The following CWF19L2 variants were observed in gnomAD, a reference collection of about 807,000 sequenced individuals.
CWF19L2 encodes the protein CWF19-like protein 2.
Under a neutral mutation model 111.7 loss-of-function variants are expected in CWF19L2, and 98 were observed. That is an observed-to-expected ratio of 0.88 (90% confidence interval 0.75 to 1.04). The LOEUF (loss-of-function observed/expected upper bound fraction) is 1.04, where lower values mean the gene tolerates loss of function less well. CWF19L2 is among the 50% of genes least tolerant of loss of function. The pLI is 0.00. For missense variants in CWF19L2, 1,101 were observed against 1,051.4 expected (o/e 1.05, Z -0.65); for synonymous variants, 351 against 342.9 (o/e 1.02, Z -0.26).
At chr11:107,410,394 T>C (rs919741058) in intron 10 of CWF19L2, among the ~76,000 whole-genome samples, 3 of 152,180 alleles carry the variant, frequency 2.0e-5, no homozygotes. Flanking sequence ...GTTTTATACA[T>C]ATATATACTT....
chr11:107,386,977 C>T, intron 12 of CWF19L2, among the ~76,000 whole-genome samples: 1 of 151,874 alleles, frequency 6.6e-6, no homozygotes. Flanking sequence ...TCGCTTGAAC[C>T]CAGAAGGCGG....
At chr11:107,337,663 C>A (rs1294692068) in intron 14 of CWF19L2, among the ~76,000 whole-genome samples, 2 of 152,018 alleles carry the variant, frequency 1.3e-5, no homozygotes, top group South Asian at 2.1e-4. Flanking sequence ...GCCTGTAATC[C>A]CAGCACTTTG....
At chr11:107,343,810 G>T (rs1282259942) in intron 14 of CWF19L2, among the ~76,000 whole-genome samples, 1 of 152,044 alleles carries the variant, frequency 6.6e-6, no homozygotes, top group African/African-American at 2.4e-5. Context: ...GTCTACTGGG[G>T]CCATTTTACC....
At chr11:107,420,736 C>A (rs1861292059) in intron 8 of CWF19L2, among the ~76,000 whole-genome samples, 1 of 151,890 alleles carries the variant, frequency 6.6e-6, no homozygotes, top group Non-Finnish European at 1.5e-5. Flanking sequence ...ACAACAACAA[C>A]CAATAACAAA....
chr11:107,396,802 G>A (rs1160506045), intron 10 of CWF19L2, among the ~76,000 whole-genome samples: 1 of 152,164 alleles, frequency 6.6e-6, no homozygotes, highest in African/African-American at 2.4e-5. Context: ...GAAGGAAGCA[G>A]ACTGCTACTC....
intron 12 of CWF19L2, among the ~76,000 whole-genome samples, chr11:107,362,823 G>A (rs2134560650): frequency 6.6e-6 from 1 of 152,122 alleles, no homozygotes; most frequent in East Asian, 1.9e-4. Flanking sequence ...GCTGGATGGA[G>A]AATGACTTTG....
intron 9 of CWF19L2, 83 bp downstream of exon 9, chr11:107,418,111 C>T: frequency 2.3e-6 from 2 of 865,744 alleles, no homozygotes; most frequent in African/African-American, 1.6e-5. Context: ...GCTATATCCA[C>T]ACTGCTAAGG....
chr11:107,357,929 G>T (rs954294445), intron 12 of CWF19L2, among the ~76,000 whole-genome samples: 3 of 152,154 alleles, frequency 2.0e-5, no homozygotes, highest in African/African-American at 7.2e-5. Context: ...ATAAAGAAAA[G>T]AGGAGCATGA....
chr11:107,335,051 T>C, intron 15 of CWF19L2, 90 bp from the exon 16 acceptor site: 1 of 779,486 alleles, frequency 1.3e-6, no homozygotes, highest in Non-Finnish European at 2.2e-6. Context: ...AAATTAATTA[T>C]GGGGTATATT....
intron 3 of CWF19L2, among the ~76,000 whole-genome samples, chr11:107,447,491 C>T (rs1861717265): frequency 6.6e-6 from 1 of 152,170 alleles, no homozygotes; most frequent in Non-Finnish European, 1.5e-5. Context: ...CATTCTAGTT[C>T]CTCCCAACCA....
At chr11:107,351,635 A>G (rs761379553) in intron 13 of CWF19L2, among the ~76,000 whole-genome samples, 1 of 152,232 alleles carries the variant, frequency 6.6e-6, no homozygotes, top group Non-Finnish European at 1.5e-5. Flanking sequence ...AGTCTTCTAT[A>G]GTAGATTGCA....
In CWF19L2 at chr11:107,359,084, A is replaced by G. The variant is rs561790388; in HGVS notation, c.1873-5348T>C. Reference sequence around the variant, plus strand: ...AGCCATGCACAGATAAAAGTTACACATGAGCTTACCATCATGAGTTTGGAC... The same window carrying G: ...AGCCATGCACAGATAAAAGTTACACGTGAGCTTACCATCATGAGTTTGGAC... On this transcript the variant is annotated intron_variant, in intron 12 of 17. Transcript: ENST00000282251. Among the ~76,000 whole-genome samples the G allele has an allele frequency of 7.9e-5, 12 of 152,318 alleles. No homozygotes were observed. In the South Asian group the frequency reaches 1.7e-3, roughly 21 times the overall value.
rs192626217 is a variant in CWF19L2 at position 107,370,379 on chromosome 11, T to C, written c.1873-16643A>G. Among the ~76,000 whole-genome samples, 282 of 137,576 alleles carry C rather than the reference T, an allele frequency of 2.0e-3. 62 individuals are homozygous for C. The highest frequency in any genetic ancestry group is 7.4e-3 in the African/African-American group (257 of 34,552). The allele number at this position is 137,576 out of a possible 152,430, so 90.3% of individuals were successfully genotyped here. A position where few individuals can be genotyped will look rare whatever the true frequency, so the allele number is the denominator to read the frequency against. On this transcript the variant is annotated intron_variant, in intron 12 of 17. Coordinates refer to ENST00000282251, the MANE Select transcript of CWF19L2 (RefSeq NM_152434.3). ...CATATTAAAATCTTGTGAGTTATCATGACAACAGAACCAAATTCTTTCATT... is the reference window on the plus strand; with the variant it reads ...CATATTAAAATCTTGTGAGTTATCACGACAACAGAACCAAATTCTTTCATT...
chr11:107,361,734 T>C (rs1432163669), intron 12 of CWF19L2, among the ~76,000 whole-genome samples: 1 of 152,228 alleles, frequency 6.6e-6, no homozygotes, highest in Non-Finnish European at 1.5e-5. Flanking sequence ...TTTATAGCTA[T>C]TGTAAATGGG....
intron 8 of CWF19L2, among the ~76,000 whole-genome samples, chr11:107,422,372 C>T (rs1861314240): frequency 6.6e-6 from 1 of 151,930 alleles, no homozygotes; most frequent in South Asian, 2.1e-4. Context: ...CCACGAATTC[C>T]AAGGGACAAC....
intron 12 of CWF19L2, among the ~76,000 whole-genome samples, chr11:107,356,387 C>A (rs1466417993): frequency 6.6e-6 from 1 of 152,122 alleles, no homozygotes; most frequent in African/African-American, 2.4e-5. Flanking sequence ...AACACCATTA[C>A]TGAAAGAATC....
rs1488941219 is a variant in CWF19L2 at position 107,372,241 on chromosome 11, G to A, written c.1872+17833C>T. 1.5e-5 allele frequency among the ~76,000 whole-genome samples: 2 copies of A among 135,898 alleles called. 1 individual carries two copies. The highest frequency in any genetic ancestry group is 5.9e-5 in the African/African-American group (2 of 33,718). 89.2% of individuals were successfully genotyped at this position (135,898 alleles called of 152,430 possible). On this transcript the variant is annotated intron_variant, in intron 12 of 17. Coordinates refer to ENST00000282251, the MANE Select transcript of CWF19L2 (RefSeq NM_152434.3). ...AGAACTGTCAAGTTATAGCTGTGAT[G>A]GCAATTTGAGATGCTAACAGAGGGA...
chr11:107,447,982 A>T (rs1861723968), intron 3 of CWF19L2, among the ~76,000 whole-genome samples: 1 of 152,200 alleles, frequency 6.6e-6, no homozygotes, highest in Non-Finnish European at 1.5e-5. Flanking sequence ...CTAATGATAA[A>T]AAAAAAATAC....
At chr11:107,403,593 C>A (rs1861037489) in intron 10 of CWF19L2, 5 of 785,668 alleles carry the variant, frequency 6.4e-6, no homozygotes, top group East Asian at 4.9e-5. Context: ...GTCGTTTCTT[C>A]AAGGTGTGTC....
Sources: gnomAD v4.1 joint callset for allele counts (sites outside exome capture counted in the v4.1 genomes callset) on GRCh38, gnomAD v4.1.1 for gene constraint, MANE v1.5 for transcripts, NCBI Gene and HGNC (gene_info 2026-07-23, HGNC 2026-07-21) for gene names.